Variants in ROR1 observed in about 807,000 individuals in gnomAD.
The protein encoded by ROR1 is ROR family WNT receptor 1, also known as inactive tyrosine-protein kinase transmembrane receptor ROR1.
A neutral mutation model predicts 78.8 loss-of-function variants in ROR1; 19 were observed. That is an observed-to-expected ratio of 0.24 (90% CI 0.17 to 0.35). ROR1 has a LOEUF of 0.35. Among genes scored for constraint, ROR1 ranks in the 10% least tolerant of loss-of-function variants. The pLI, the probability that ROR1 is intolerant of heterozygous loss-of-function variation, is 1.00. For synonymous variants in ROR1, 386 were observed against 433.6 expected, an observed-to-expected ratio of 0.89 and a Z score of 1.36; for missense variants, 917 against 1,177.8, an observed-to-expected ratio of 0.78 and a Z score of 3.24.
intron 2 of ROR1, among the ~76,000 whole-genome samples, chr1:64,010,090 C>A (rs1327154525): frequency 2.0e-5 from 3 of 152,140 alleles, no homozygotes; most frequent in Non-Finnish European, 4.4e-5. Flanking sequence ...CTGCTCTCAC[C>A]TTTTCACCTG....
intron 7 of ROR1, 63 bp downstream of exon 7, chr1:64,142,713 C>T: frequency 6.3e-7 from 1 of 1,592,970 alleles, no homozygotes; most frequent in East Asian, 2.2e-5. Flanking sequence ...TCCTACCCCT[C>T]TTATTTAGGA....
At chr1:63,991,564 A>C (rs115054414) in intron 1 of ROR1, among the ~76,000 whole-genome samples, 2 of 152,072 alleles carry the variant, frequency 1.3e-5, no homozygotes, top group African/African-American at 4.8e-5. Context: ...AAAATAACCA[A>C]TTTCCAAGGA....
At chr1:63,916,117 T>G (rs570860710) in intron 1 of ROR1, among the ~76,000 whole-genome samples, 1 of 152,352 alleles carries the variant, frequency 6.6e-6, no homozygotes, top group African/African-American at 2.4e-5. Flanking sequence ...ATTTCTACCC[T>G]ATTTTTCTTC....
At chr1:64,051,318 T>C (rs951556487) in intron 4 of ROR1, among the ~76,000 whole-genome samples, 1 of 151,424 alleles carries the variant, frequency 6.6e-6, no homozygotes. Flanking sequence ...TGCGTCGTGG[T>C]GGGCGCCTGT....
intron 4 of ROR1, among the ~76,000 whole-genome samples, chr1:64,057,754 T>C (rs1487555524): frequency 6.6e-6 from 1 of 152,352 alleles, no homozygotes; most frequent in Middle Eastern, 3.4e-3. Flanking sequence ...CCAGTTGATA[T>C]GTAAAACTAG....
intron 4 of ROR1, among the ~76,000 whole-genome samples, chr1:64,135,878 A>G (rs901741550): frequency 3.9e-5 from 6 of 152,186 alleles, no homozygotes; most frequent in African/African-American, 1.4e-4. Flanking sequence ...CTTTAAAATG[A>G]TTCTTTTAAT....
chr1:64,097,802 T>C (rs759307995), intron 4 of ROR1, among the ~76,000 whole-genome samples: 8 of 152,124 alleles, frequency 5.3e-5, no homozygotes, highest in Non-Finnish European at 8.8e-5. Flanking sequence ...CCAGCTGTCA[T>C]GTTCCTCAAG....
intron 1 of ROR1, among the ~76,000 whole-genome samples, chr1:63,918,695 C>G (rs922324710): frequency 1.3e-5 from 2 of 152,120 alleles, no homozygotes; most frequent in Non-Finnish European, 2.9e-5. Flanking sequence ...CTGTGCCTCC[C>G]TCTGAGACGT....
chr1:63,914,068 C>T (rs978389356), intron 1 of ROR1, among the ~76,000 whole-genome samples: 29 of 85,246 alleles, frequency 3.4e-4, no homozygotes, highest in Middle Eastern at 6.5e-3. Context: ...TTTGGGAAGC[C>T]GCATTAGTGT....
intron 1 of ROR1, among the ~76,000 whole-genome samples, chr1:63,996,351 A>G (rs1000925720): frequency 2.0e-5 from 3 of 152,174 alleles, no homozygotes; most frequent in Non-Finnish European, 4.4e-5. Flanking sequence ...GTTTTCCTCG[A>G]TTTAACTTTG....
intron 4 of ROR1, among the ~76,000 whole-genome samples, chr1:64,136,907 G>A (rs1052845632): frequency 7.2e-5 from 11 of 152,082 alleles, no homozygotes; most frequent in Non-Finnish European, 1.5e-4. Flanking sequence ...TTTCTTTCCA[G>A]CTGCACCCAG....
chr1:64,102,659 G>A (rs1212752436), intron 4 of ROR1, among the ~76,000 whole-genome samples: 1 of 152,196 alleles, frequency 6.6e-6, no homozygotes. Flanking sequence ...GAATGCAACA[G>A]GTATCTATCT....
At chr1:64,101,426 G>C (rs1647536459) in intron 4 of ROR1, among the ~76,000 whole-genome samples, 2 of 152,160 alleles carry the variant, frequency 1.3e-5, no homozygotes, top group African/African-American at 4.8e-5. Flanking sequence ...ATTAACTAAT[G>C]CACTAAATAA....
Position 64,118,400 on chromosome 1 carries a change from A to C in ROR1, c.483-18969A>C, listed in dbSNP as rs570023824. Among the ~76,000 whole-genome samples the C allele has an allele frequency of 2.0e-3, 299 of 151,920 alleles. 1 individual carries two copies. Among genetic ancestry groups the C allele is most frequent in the African/African-American group, 7.1e-3 (293 of 41,456 alleles). On this transcript the variant is annotated intron_variant, in intron 4 of 8. Transcript: ENST00000371079. Reference sequence around the variant, plus strand: ...TCCCAGCACTTTGGGAGGCCGAGGCAGGCAGATCATGAGGTCAGGAGTTCA... The same window carrying C: ...TCCCAGCACTTTGGGAGGCCGAGGCCGGCAGATCATGAGGTCAGGAGTTCA...
At chr1:64,112,209 A>G (rs1166764785) in intron 4 of ROR1, 1 of 152,196 alleles carries the variant, frequency 6.6e-6, no homozygotes, top group Non-Finnish European at 1.5e-5. Context: ...CTGAGAGCTG[A>G]TCATATATCA....
rs1650450164 is a variant in ROR1 at position 64,178,382 on chromosome 1, C to T, written c.2341C>T (p.Leu781Phe). The change falls in exon 9 of 9, where the codon CTC becomes TTC. Residue 781 changes from leucine to phenylalanine, a missense_variant. This residue lies in a region of ROR1 where 835 missense variants were observed against 1,069.8 expected (regional missense o/e 0.78). Transcript: ENST00000371079. The surrounding 1 kb of genome is among the most constrained non-coding windows in gnomAD (Gnocchi z 4.3). ...TSLSASPVSNLSNPRYPNYMF... is the reference protein window; with the variant it reads ...TSLSASPVSNFSNPRYPNYMF... ...CCTCAGTGCCAGCCCAGTGAGTAAT[C>T]TCAGTAACCCCAGATATCCTAATTA... The T allele has an allele frequency of 1.2e-6, 2 of 1,614,104 alleles. No homozygotes were observed. Among genetic ancestry groups the T allele is most frequent in the East Asian group, 2.2e-5 (1 of 44,886 alleles).
At chr1:63,861,369 TGCC>T (rs1414758693) in intron 1 of ROR1, among the ~76,000 whole-genome samples, 1 of 152,246 alleles carries the variant, frequency 6.6e-6, no homozygotes, top group Non-Finnish European at 1.5e-5. Flanking sequence ...TTTTCCATTT[TGCC>T]AATAGTCATT....
chr1:64,063,456 T>C (rs1646932668), intron 4 of ROR1, among the ~76,000 whole-genome samples: 1 of 152,214 alleles, frequency 6.6e-6, no homozygotes, highest in African/African-American at 2.4e-5. Flanking sequence ...CATATCCTAA[T>C]CCCCTCCAAC....
Position 63,982,096 on chromosome 1 carries a change from C to T in ROR1, c.92-27209C>T, listed in dbSNP as rs530975024. ...CTTTATGTAGATGATCTCATTTGAT[C>T]CTCTGCAGAACCTTACAAATTATTA... On this transcript the variant is annotated intron_variant, in intron 1 of 8. Coordinates refer to ENST00000371079, the MANE Select transcript of ROR1 (RefSeq NM_005012.4). 2.8e-4 allele frequency among the ~76,000 whole-genome samples: 43 copies of T among 152,220 alleles called. 1 individual carries two copies. The South Asian group carries it at 8.9e-3, about 32-fold the overall frequency.
Sources: gnomAD v4.1 joint callset for allele counts (sites outside exome capture counted in the v4.1 genomes callset) on GRCh38, gnomAD v4.1.1 for gene constraint, gnomAD v4.1.1 regional missense constraint, Gnocchi (gnomAD v3.1) non-coding constraint, MANE v1.5 for transcripts, NCBI Gene and HGNC (gene_info 2026-07-23, HGNC 2026-07-21) for gene names.